The following ANKRD55 variants were observed in gnomAD, a reference collection of about 807,000 sequenced individuals.
The protein encoded by ANKRD55 is ankyrin repeat domain 55, also known as ankyrin repeat domain-containing protein 55.
A neutral mutation model predicts 60.6 loss-of-function variants in ANKRD55; 41 were observed. The observed-to-expected ratio is 0.68, with a 90% CI of 0.53 to 0.88. ANKRD55 has a LOEUF of 0.88. Ranked by LOEUF, ANKRD55 falls within the 40% of genes least tolerant of loss-of-function variation. The probability of loss-of-function intolerance (pLI) is 0.00; values close to 1 mark genes in which losing one functional copy is unlikely to be tolerated. For missense variants in ANKRD55, 732 were observed against 767.6 expected (o/e 0.95, Z 0.55); for synonymous variants, 264 against 290.3 (o/e 0.91, Z 0.92).
At chr5:56,143,383 A>G (rs571578079) in intron 7 of ANKRD55, among the ~76,000 whole-genome samples, 140 of 152,282 alleles carry the variant, frequency 9.2e-4, no homozygotes, top group African/African-American at 3.2e-3. Context: ...GTCATGAGCC[A>G]CTACTTTCAC....
At chr5:56,215,961 T>C (rs1335819987) in intron 2 of ANKRD55, among the ~76,000 whole-genome samples, 2 of 150,726 alleles carry the variant, frequency 1.3e-5, no homozygotes, top group Non-Finnish European at 2.9e-5. Context: ...TGAATACATC[T>C]TGGTGGCTGA....
At chr5:56,131,132 C>T (rs970735071) in intron 7 of ANKRD55, among the ~76,000 whole-genome samples, 18 of 151,412 alleles carry the variant, frequency 1.2e-4, no homozygotes, top group Non-Finnish European at 2.1e-4. Flanking sequence ...TCAGAGAACA[C>T]CAAGCACGAT....
intron 2 of ANKRD55, among the ~76,000 whole-genome samples, chr5:56,188,568 C>A (rs963699423): frequency 6.6e-6 from 1 of 152,092 alleles, no homozygotes. Flanking sequence ...CTTTTATTGA[C>A]GAGACTGTCC....
chr5:56,117,113 A>G (rs1756908366), intron 8 of ANKRD55, among the ~76,000 whole-genome samples: 1 of 152,182 alleles, frequency 6.6e-6, no homozygotes, highest in African/African-American at 2.4e-5. Context: ...GATTGAGTCA[A>G]TTTGTCCTCC....
intron 6 of ANKRD55, among the ~76,000 whole-genome samples, chr5:56,157,296 G>C (rs918582377): frequency 3.3e-5 from 5 of 152,224 alleles, no homozygotes; most frequent in Admixed American, 1.3e-4. Flanking sequence ...CACTGTGGAA[G>C]GCCACAGGGA....
chr5:56,183,044 A>C (rs1758884563), intron 3 of ANKRD55, among the ~76,000 whole-genome samples: 1 of 152,208 alleles, frequency 6.6e-6, no homozygotes, highest in Admixed American at 6.5e-5. Context: ...AACCCTGGGC[A>C]CTTACACCAT....
chr5:56,207,240 C>G (rs1276471910), intron 2 of ANKRD55, among the ~76,000 whole-genome samples: 1 of 152,128 alleles, frequency 6.6e-6, no homozygotes, highest in Non-Finnish European at 1.5e-5. Context: ...GGTTAGATGA[C>G]TTTGTACTTG....
At chr5:56,193,400 G>T in intron 2 of ANKRD55, 1 of 622,572 alleles carries the variant, frequency 1.6e-6, no homozygotes, top group Non-Finnish European at 2.8e-6. Flanking sequence ...AGAACCTTTT[G>T]GTACTGGAAT....
intron 2 of ANKRD55, among the ~76,000 whole-genome samples, chr5:56,184,615 A>T (rs1266795832): frequency 2.0e-5 from 3 of 152,150 alleles, no homozygotes; most frequent in Non-Finnish European, 4.4e-5. Context: ...AGGCAACATC[A>T]GGCCAGGCAT....
intron 7 of ANKRD55, among the ~76,000 whole-genome samples, chr5:56,139,957 T>C (rs538919936): frequency 1.3e-5 from 2 of 152,272 alleles, no homozygotes; most frequent in East Asian, 3.9e-4. Context: ...TAGTCCCAGC[T>C]ACTAGGGAGG....
chr5:56,163,926 T>G (rs1436597050), intron 5 of ANKRD55, among the ~76,000 whole-genome samples: 2 of 152,016 alleles, frequency 1.3e-5, no homozygotes. Context: ...ACCCCGTCTG[T>G]AATAGAAATA....
chr5:56,157,641 T>C (rs1758226618), intron 6 of ANKRD55, among the ~76,000 whole-genome samples: 1 of 152,210 alleles, frequency 6.6e-6, no homozygotes. Context: ...TTTATGTATG[T>C]GCACATCAAA....
At chr5:56,186,744 C>A (rs963637532) in intron 2 of ANKRD55, among the ~76,000 whole-genome samples, 1 of 152,080 alleles carries the variant, frequency 6.6e-6, no homozygotes, top group Non-Finnish European at 1.5e-5. Flanking sequence ...ACATTAGTCC[C>A]CATTAGGAAC....
chr5:56,106,084 A>G (rs1406863678), intron 10 of ANKRD55, among the ~76,000 whole-genome samples: 1 of 152,178 alleles, frequency 6.6e-6, no homozygotes, highest in East Asian at 1.9e-4. Flanking sequence ...AGCAATAATC[A>G]TTACAGCTAA....
intron 6 of ANKRD55, among the ~76,000 whole-genome samples, chr5:56,152,148 G>A (rs1450443824): frequency 9.1e-5 from 2 of 21,872 alleles, no homozygotes; most frequent in African/African-American, 3.0e-4. Flanking sequence ...TCGGTCTTAG[G>A]CTAAAACTTC....
rs764508980 is a variant in ANKRD55, at chr5:56,170,784, A to T, written c.332T>A (p.Val111Glu). The T allele has an allele frequency of 1.2e-6, 2 of 1,614,054 alleles. No individual in the cohort carries two copies. Among genetic ancestry groups the T allele is most frequent in the African/African-American group, 2.7e-5 (2 of 74,932 alleles). ...ATYLGWLEGC[V>E]SLLRNGAKHN... ...CTTGGCACCGTTTCTGAGTAGACTCACACAGCCTTCAAGCCAGCCCTGAAA... is the reference window on the plus strand; with the variant it reads ...CTTGGCACCGTTTCTGAGTAGACTCTCACAGCCTTCAAGCCAGCCCTGAAA... Residue 111 changes from valine to glutamate, a missense_variant, in exon 5 of 12, where the codon GTG becomes GAG. Coordinates refer to ENST00000341048, the MANE Select transcript of ANKRD55 (RefSeq NM_024669.3).
At chr5:56,225,268 C>T (rs951925390) in intron 2 of ANKRD55, among the ~76,000 whole-genome samples, 7 of 152,140 alleles carry the variant, frequency 4.6e-5, no homozygotes, top group African/African-American at 1.4e-4. Flanking sequence ...AAAAGGCTTT[C>T]GACAAAATTC....
chr5:56,207,794 G>A (rs1759550179), intron 2 of ANKRD55, among the ~76,000 whole-genome samples: 1 of 152,156 alleles, frequency 6.6e-6, no homozygotes, highest in South Asian at 2.1e-4. Flanking sequence ...GAAGGCCTAG[G>A]ACATTACTGT....
chr5:56,102,402 A>C (rs1756309897), intron 11 of ANKRD55, 92 bp downstream of exon 11: 12 of 1,019,274 alleles, frequency 1.2e-5, no homozygotes, highest in Non-Finnish European at 1.6e-5. Context: ...AAAAAAAAAA[A>C]AGAAAAATGA....
Sources: allele counts gnomAD v4.1 joint callset (sites outside exome capture counted in the v4.1 genomes callset), GRCh38; gene constraint gnomAD v4.1.1; transcripts MANE v1.5; gene names NCBI Gene and HGNC (gene_info 2026-07-23, HGNC 2026-07-21).